The following ADGRV1 variants were observed in gnomAD, a reference collection of about 807,000 sequenced individuals.
ADGRV1 encodes the protein G-protein coupled receptor 98.
A neutral mutation model predicts 596.2 loss-of-function variants in ADGRV1; 359 were observed. The ratio of observed to expected loss-of-function variants is 0.60; its 90% CI spans 0.55 to 0.66. ADGRV1 has a LOEUF of 0.66. Among genes scored for constraint, ADGRV1 ranks in the 30% least tolerant of loss-of-function variants. ADGRV1 has a pLI of 0.00. For synonymous variants in ADGRV1, 2,681 were observed against 2,679.2 expected, an observed-to-expected ratio of 1.00 and a Z score of -0.02; for missense variants, 7,274 against 7,575.6, an observed-to-expected ratio of 0.96 and a Z score of 1.48.
rs1763721622 is a variant in ADGRV1 at position 90,619,075 on chromosome 5, T to C, written c.358-11T>C. ...TTAATTCATTATTTTATTTTTGGGA[T>C]TTTATTTTAGAAACCTTCAGCAAAT... On this transcript the variant is annotated splice_polypyrimidine_tract_variant and intron_variant, in intron 3 of 89. Coordinates refer to ENST00000405460, the MANE Select transcript of ADGRV1 (RefSeq NM_032119.4). 1 of 1,302,314 alleles carries C rather than the reference T, an allele frequency of 7.7e-7. No individual in the cohort carries two copies. 80.7% of individuals were successfully genotyped at this position (1,302,314 alleles called of 1,614,324 possible).
intron 59 of ADGRV1, among the ~76,000 whole-genome samples, chr5:90,764,931 G>A (rs1316966489): frequency 6.6e-6 from 1 of 152,242 alleles, no homozygotes; most frequent in South Asian, 2.1e-4. Flanking sequence ...TTATAGCATT[G>A]TCTTGGGTCA....
At chr5:90,703,420 A>G (rs1014880302) in intron 34 of ADGRV1, among the ~76,000 whole-genome samples, 1 of 152,078 alleles carries the variant, frequency 6.6e-6, no homozygotes, top group Non-Finnish European at 1.5e-5. Flanking sequence ...CCATTTTAGC[A>G]TGTGCTTTTG....
chr5:90,705,425 G>C lies in ADGRV1; in HGVS notation c.8412G>C (p.Leu2804=). ...GAGTTCCACCAGCCGGAATCGCCCT[G>C]CTTGATGCTCAAGGATATGCAGCTG... ...TQGVPPAGIA[L]LDAQGYAAVL... is the part of the protein sequence containing the mutation. The change falls in exon 37 of 90, where the codon CTG becomes CTC. Residue 2804 remains leucine (L), a synonymous_variant. Transcript: ENST00000405460. 1 of 1,613,812 alleles carries C rather than the reference G, an allele frequency of 6.2e-7. No homozygotes were observed. The highest frequency in any genetic ancestry group is 8.5e-7 in the Non-Finnish European group (1 of 1,179,778).
intron 77 of ADGRV1, among the ~76,000 whole-genome samples, chr5:90,830,304 G>A (rs917288974): frequency 5.9e-5 from 9 of 152,118 alleles, no homozygotes; most frequent in Admixed American, 3.3e-4. Context: ...ATAGCACAAA[G>A]TGAAGTATGT....
intron 83 of ADGRV1, among the ~76,000 whole-genome samples, chr5:90,903,033 A>G (rs1771993178): frequency 6.6e-6 from 1 of 152,172 alleles, no homozygotes; most frequent in African/African-American, 2.4e-5. Context: ...TGGCTTCAAT[A>G]CTATGTTTTT....
At chr5:90,666,471 A>T (rs1771409742) in intron 21 of ADGRV1, among the ~76,000 whole-genome samples, 1 of 151,300 alleles carries the variant, frequency 6.6e-6, no homozygotes, top group African/African-American at 2.4e-5. Context: ...TGCTTGGTAG[A>T]TTTTCCTCAA....
chr5:90,961,644 AGTT>A (rs1778042794), intron 83 of ADGRV1, among the ~76,000 whole-genome samples: 1 of 152,048 alleles, frequency 6.6e-6, no homozygotes, highest in South Asian at 2.1e-4. Context: ...ATTTATCATT[AGTT>A]GTTATTTAGC....
At chr5:91,041,428 T>C (rs1401242823) in intron 85 of ADGRV1, among the ~76,000 whole-genome samples, 4 of 151,124 alleles carry the variant, frequency 2.6e-5, no homozygotes, top group Non-Finnish European at 5.9e-5. Context: ...TAAGTGGGAG[T>C]TGAACAATGA....
intron 85 of ADGRV1, among the ~76,000 whole-genome samples, chr5:91,047,206 A>G (rs1287757146): frequency 6.6e-6 from 1 of 152,176 alleles, no homozygotes; most frequent in African/African-American, 2.4e-5. Flanking sequence ...TTTCTTAGTC[A>G]AACAGTTCCC....
intron 87 of ADGRV1, among the ~76,000 whole-genome samples, chr5:91,117,282 T>C (rs1792931762): frequency 6.6e-6 from 1 of 152,100 alleles, no homozygotes; most frequent in Non-Finnish European, 1.5e-5. Flanking sequence ...GGAAATCTTA[T>C]ATTTATTTAT....
At chr5:90,971,662 G>A (rs912664551) in intron 84 of ADGRV1, among the ~76,000 whole-genome samples, 66 of 152,108 alleles carry the variant, frequency 4.3e-4, no homozygotes, top group Admixed American at 1.1e-3. Context: ...GAGAGATTTC[G>A]TCACCACGAG....
chr5:90,812,907 G>A (rs1323705659), intron 74 of ADGRV1, among the ~76,000 whole-genome samples: 3 of 151,456 alleles, frequency 2.0e-5, no homozygotes, highest in Non-Finnish European at 2.9e-5. Flanking sequence ...CGAGTCGGGC[G>A]GATCACGAGG....
chr5:90,765,921 G>C (rs775507236), intron 59 of ADGRV1, among the ~76,000 whole-genome samples: 1 of 149,304 alleles, frequency 6.7e-6, no homozygotes, highest in Non-Finnish European at 1.5e-5. Context: ...TAATTAATTA[G>C]TTTTTTGAGA....
intron 83 of ADGRV1, among the ~76,000 whole-genome samples, chr5:90,879,026 G>A (rs555533239): frequency 2.0e-5 from 3 of 152,326 alleles, no homozygotes; most frequent in Admixed American, 6.5e-5. Flanking sequence ...GCTTGGGGAA[G>A]CTGTTGTGGA....
At chr5:91,147,176 T>TAAAAA (rs57619661) in intron 87 of ADGRV1, among the ~76,000 whole-genome samples, 7 of 100,816 alleles carry the variant, frequency 6.9e-5, no homozygotes, top group African/African-American at 2.2e-4. Context: ...GACCTTGTCT[T>TAAAAA]AAAAAAAAAA....
At chr5:90,970,442 A>AC (rs1778858741) in intron 84 of ADGRV1, among the ~76,000 whole-genome samples, 1 of 152,016 alleles carries the variant, frequency 6.6e-6, no homozygotes, top group Non-Finnish European at 1.5e-5. Flanking sequence ...TGGGTCTCTG[A>AC]CCCCCAAGTA....
intron 83 of ADGRV1, among the ~76,000 whole-genome samples, chr5:90,944,357 A>G (rs1393592912): frequency 6.6e-6 from 1 of 152,094 alleles, no homozygotes; most frequent in African/African-American, 2.4e-5. Context: ...ACATTTTTTT[A>G]TTATGATGAT....
intron 20 of ADGRV1, chr5:90,654,791 A>G (rs975806843): frequency 2.6e-5 from 4 of 152,114 alleles, no homozygotes; most frequent in Non-Finnish European, 5.9e-5. Context: ...GTATCTACCA[A>G]TTTCAATCCC....
At position 90,855,749 on chromosome 5, in the gene ADGRV1, C is replaced by A; in HGVS notation, c.17603C>A (p.Ser5868Tyr). Reference sequence around the variant, plus strand: ...TTGTGTTTTTGCCCTAGCTGGTTGTCTGACAGTCAGTTTTGCAAAGTGGTT... The same window carrying A: ...TTGTGTTTTTGCCCTAGCTGGTTGTATGACAGTCAGTTTTGCAAAGTGGTT... ...LWNQAAASWL[S>Y]DSQFCKVVEE... The change falls in exon 82 of 90, where the codon TCT (serine) becomes TAT (tyrosine). Residue 5868 changes from serine to tyrosine, a missense_variant. Physicochemically the swap from Ser to Tyr is moderately radical, Grantham distance 144. Transcript: ENST00000405460. 6.3e-7 allele frequency: 1 copy of A among 1,575,054 alleles called. No individual in the cohort carries two copies. The highest frequency in any genetic ancestry group is 8.6e-7 in the Non-Finnish European group (1 of 1,159,012).
Sources: allele counts gnomAD v4.1 joint callset (sites outside exome capture counted in the v4.1 genomes callset), GRCh38; gene constraint gnomAD v4.1.1; transcripts MANE v1.5; gene names NCBI Gene and HGNC (gene_info 2026-07-23, HGNC 2026-07-21).